The following HTRA4 variants were observed in gnomAD, a reference collection of about 807,000 sequenced individuals.
HTRA4 encodes HtrA serine peptidase 4, also known as serine protease HTRA4.
A neutral mutation model predicts 49.1 loss-of-function variants in HTRA4; 46 were observed. That is an observed-to-expected ratio of 0.94 (90% CI 0.74 to 1.20). The LOEUF (loss-of-function observed/expected upper bound fraction) is 1.20, where lower values mean the gene tolerates loss of function less well. Among genes scored for constraint, HTRA4 ranks in the 50% most tolerant of loss-of-function variants. HTRA4 has a pLI of 0.00. For missense variants in HTRA4, 602 were observed against 636.9 expected (o/e 0.95, Z 0.59); for synonymous variants, 261 against 264.0 (o/e 0.99, Z 0.11).
Position 38,979,217 on chromosome 8 carries a change from T to C in HTRA4, c.969T>C (p.Tyr323=). Residue 323 remains tyrosine (Y), a splice_region_variant and synonymous_variant, in exon 5 of 9, where the codon TAT becomes TAC. Transcript: ENST00000302495. ...TCTTTTTCAAATTCTGCTTTTAGTA[T>C]GGGAATTCTGGTGGTCCTCTGGTGA... ...DYVQIDATIN[Y]GNSGGPLVNL... is the part of the protein sequence containing the mutation. 2 of 1,612,780 alleles carry C rather than the reference T, an allele frequency of 1.2e-6. No homozygotes were observed. The highest frequency in any genetic ancestry group is 1.7e-6 in the Non-Finnish European group (2 of 1,178,776).
intron 2 of HTRA4, among the ~76,000 whole-genome samples, chr8:38,975,478 C>T (rs893629540): frequency 1.3e-5 from 2 of 152,142 alleles, no homozygotes; most frequent in South Asian, 4.1e-4. Flanking sequence ...TGACAGATCA[C>T]GGCTCACTGC....
Position 38,975,036 on chromosome 8 carries a change from A to G in HTRA4, c.472A>G (p.Arg158Gly). 1.2e-6 allele frequency: 2 copies of G among 1,614,130 alleles called. No homozygotes were observed. ...QWGNCGDTGTRSAGPLRRNYN... is the reference protein window; with the variant it reads ...QWGNCGDTGTGSAGPLRRNYN... ...GAGCCAGTATTTTTTCATAGGGACCAGAAGCGCAGGCCCGCTCAGGAGGAA... is the reference window on the plus strand; with the variant it reads ...GAGCCAGTATTTTTTCATAGGGACCGGAAGCGCAGGCCCGCTCAGGAGGAA... The change falls in exon 2 of 9, where the codon AGA (arginine) becomes GGA (glycine). Residue 158 changes from arginine (R) to glycine (G), a missense_variant. Coordinates refer to ENST00000302495, the MANE Select transcript of HTRA4 (RefSeq NM_153692.4).
At chr8:38,981,420 T>C (rs1321100567) in intron 5 of HTRA4, among the ~76,000 whole-genome samples, 2 of 150,052 alleles carry the variant, frequency 1.3e-5, no homozygotes, top group East Asian at 3.9e-4. Flanking sequence ...TCCTTGATCC[T>C]TTGGCCATGA....
intron 8 of HTRA4, 95 bp from the exon 9 acceptor site, chr8:38,987,841 T>C: frequency 2.8e-6 from 3 of 1,075,172 alleles, no homozygotes; most frequent in Non-Finnish European, 3.8e-6. Flanking sequence ...GCCAGCAAAA[T>C]AGTGCCATTA....
chr8:38,987,001 G>C (rs1835489481), intron 8 of HTRA4, among the ~76,000 whole-genome samples: 1 of 152,166 alleles, frequency 6.6e-6, no homozygotes, highest in African/African-American at 2.4e-5. Flanking sequence ...TGTACTCACT[G>C]GTCCTAAGTC....
chr8:38,974,310 T>C lies in HTRA4; in HGVS notation c.47T>C (p.Leu16Pro), dbSNP rs760366135. The C allele has an allele frequency of 6.2e-7, 1 of 1,612,854 alleles. No individual in the cohort carries two copies. The highest frequency in any genetic ancestry group is 1.1e-5 in the South Asian group (1 of 90,874). Residue 16 changes from leucine to proline, a missense_variant, in exon 1 of 9, where the codon CTG becomes CCG. Coordinates refer to ENST00000302495, the MANE Select transcript of HTRA4 (RefSeq NM_153692.4). Reference protein sequence around the residue: ...LRTAGLGRCLLPGLLLLLVPV... With the variant: ...LRTAGLGRCLPPGLLLLLVPV... ...ACCGCGGGGCTGGGACGATGCCTCCTGCCGGGGCTGCTGCTGCTCCTGGTG... is the reference window on the plus strand; with the variant it reads ...ACCGCGGGGCTGGGACGATGCCTCCCGCCGGGGCTGCTGCTGCTCCTGGTG...
chr8:38,986,546 G>A (rs1835484692), intron 8 of HTRA4, among the ~76,000 whole-genome samples: 1 of 152,228 alleles, frequency 6.6e-6, no homozygotes, highest in Admixed American at 6.5e-5. Flanking sequence ...TGGGATTACA[G>A]TGTGAGCCAC....
intron 1 of HTRA4, 72 bp downstream of exon 1, chr8:38,974,801 T>G: frequency 7.4e-7 from 1 of 1,357,778 alleles, no homozygotes; most frequent in Non-Finnish European, 9.7e-7. Context: ...AAGACCTCAC[T>G]GAGACCGCAC....
At chr8:38,983,380 T>C (rs990599504) in intron 8 of HTRA4, among the ~76,000 whole-genome samples, 5 of 152,046 alleles carry the variant, frequency 3.3e-5, no homozygotes, top group African/African-American at 1.2e-4. Context: ...CTACTAAAAA[T>C]ACAAAAATTA....
At position 38,983,059 on chromosome 8, in the gene HTRA4, T is replaced by C. The variant is rs1457736782; in HGVS notation, c.1268+11T>C. On this transcript the variant is annotated intron_variant, in intron 8 of 8. Transcript: ENST00000302495. ...AACAGCTGCTCAAAGGTAAGAGAAG[T>C]GAAGGCCTTTGTCATCTACCTTTGC... 41 of 1,572,674 alleles carry C rather than the reference T, an allele frequency of 2.6e-5. No individual in the cohort carries two copies. The highest frequency in any genetic ancestry group is 3.6e-5 in the Non-Finnish European group (41 of 1,144,554).
chr8:38,981,233 C>T (rs1274673343), intron 5 of HTRA4, among the ~76,000 whole-genome samples: 3 of 150,854 alleles, frequency 2.0e-5, no homozygotes, highest in Admixed American at 6.6e-5. Flanking sequence ...GCACCCGCCA[C>T]CAGGCCCGGC....
At chr8:38,986,222 C>A (rs1445020739) in intron 8 of HTRA4, among the ~76,000 whole-genome samples, 1 of 152,150 alleles carries the variant, frequency 6.6e-6, no homozygotes, top group Non-Finnish European at 1.5e-5. Context: ...AATTACACCA[C>A]TATCTGGCAC....
Position 38,974,676 on chromosome 8 carries a change from G to C in HTRA4, c.413G>C (p.Arg138Pro), listed in dbSNP as rs754570491. 302 of 1,400,554 alleles carry C rather than the reference G, an allele frequency of 2.2e-4. No individual in the cohort carries two copies. Among genetic ancestry groups the C allele is most frequent in the Non-Finnish European group, 2.4e-4 (264 of 1,087,376 alleles). 86.8% of individuals were successfully genotyped at this position (1,400,554 alleles called of 1,614,324 possible). A position where few individuals can be genotyped will look rare whatever the true frequency, so the allele number is the denominator to read the frequency against. Reference sequence around the variant, plus strand: ...CGGGCCGAAAACCGCGCCGCGCGCCGCCTGGGCAAGGTCCCGGCCGTGCCT... The same window carrying C: ...CGGGCCGAAAACCGCGCCGCGCGCCCCCTGGGCAAGGTCCCGGCCGTGCCT... ...ALRAENRAAR[R>P]LGKVPAVPVQ... Residue 138 changes from arginine to proline, a missense_variant, in exon 1 of 9, where the codon CGC becomes CCC. Transcript: ENST00000302495.
chr8:38,976,779 G>C, intron 3 of HTRA4, 40 bp downstream of exon 3: 1 of 1,598,864 alleles, frequency 6.3e-7, no homozygotes, highest in African/African-American at 1.3e-5. Context: ...ACATATTTGG[G>C]GATTTTTATC....
chr8:38,975,247 C>A, intron 2 of HTRA4, 117 bp downstream of exon 2: 3 of 1,019,916 alleles, frequency 2.9e-6, no homozygotes, highest in Non-Finnish European at 4.5e-6. Context: ...GAAACTGAGA[C>A]GTAAAGAGGT....
At position 38,975,029 on chromosome 8, in the gene HTRA4, A is replaced by G. The variant is rs552070328; in HGVS notation, c.467-2A>G. On this transcript the variant is annotated splice_acceptor_variant, in intron 1 of 8. Transcript: ENST00000302495. LOFTEE classifies it high-confidence loss of function. ...TACTCTTGAGCCAGTATTTTTTCAT[A>G]GGGACCAGAAGCGCAGGCCCGCTCA... The G allele has an allele frequency of 6.8e-6, 11 of 1,613,982 alleles. No homozygotes were observed. The African/African-American group carries it at 1.5e-4, about 22-fold the overall frequency.
Position 38,977,867 on chromosome 8 carries a change from G to A in HTRA4, c.772-86G>A, listed in dbSNP as rs1835371575. The stretch of plus-strand genomic sequence containing the variant: ...AGGTGATAGAGACAGCGTCATATAT[G>A]TGTTAGACACACACTTTGGTCAATT... On this transcript the variant is annotated intron_variant, in intron 3 of 8. Coordinates refer to ENST00000302495, the MANE Select transcript of HTRA4 (RefSeq NM_153692.4). The A allele has an allele frequency of 1.2e-5, 16 of 1,378,458 alleles. No individual in the cohort carries two copies. The African/African-American group carries it at 1.3e-4, about 11-fold the overall frequency. 85.4% of individuals were successfully genotyped at this position (1,378,458 alleles called of 1,614,324 possible). A position where few individuals can be genotyped will look rare whatever the true frequency, so the allele number is the denominator to read the frequency against.
chr8:38,976,223 C>T lies in HTRA4; in HGVS notation c.567-312C>T, dbSNP rs533448591. The stretch of plus-strand genomic sequence containing the variant: ...GGTCAGGCGTTCGAGAGCAGCCTGG[C>T]CAACATGGTGAAACCCCATCTCCAC... On this transcript the variant is annotated intron_variant, in intron 2 of 8. Coordinates refer to ENST00000302495, the MANE Select transcript of HTRA4 (RefSeq NM_153692.4). 7.1e-4 allele frequency among the ~76,000 whole-genome samples: 108 copies of T among 152,268 alleles called. 1 individual carries two copies. The highest frequency in any genetic ancestry group is 1.2e-3 in the Non-Finnish European group (83 of 68,012).
In HTRA4 at chr8:38,976,535, G is replaced by T. The variant is rs748630663; in HGVS notation, c.567G>T (p.Arg189Ser). 1 of 1,613,632 alleles carries T rather than the reference G, an allele frequency of 6.2e-7. No individual in the cohort carries two copies. Among genetic ancestry groups the T allele is most frequent in the Non-Finnish European group, 8.5e-7 (1 of 1,180,032 alleles). ...PSVVHVQLWG[R>S]LLHGSRLVPV... ...TTACACTATTGTCTTGTGGAGACAGGTTACTTCACGGCAGCAGGCTTGTTC... is the reference window on the plus strand; with the variant it reads ...TTACACTATTGTCTTGTGGAGACAGTTTACTTCACGGCAGCAGGCTTGTTC... The change falls in exon 3 of 9, where the codon AGG (arginine) becomes AGT (serine). Residue 189 changes from arginine to serine, a missense_variant and splice_region_variant. Transcript: ENST00000302495.
Sources: allele counts gnomAD v4.1 joint callset (sites outside exome capture counted in the v4.1 genomes callset), GRCh38; gene constraint gnomAD v4.1.1; transcripts MANE v1.5; gene names NCBI Gene and HGNC (gene_info 2026-07-23, HGNC 2026-07-21).